Variants in PARD3B observed in about 807,000 individuals in gnomAD.
PARD3B encodes the protein partitioning defective 3 homolog B.
PARD3B carries 103 observed loss-of-function variants against 130.2 expected under a neutral mutation model. The observed-to-expected ratio is 0.79, with a 90% confidence interval of 0.67 to 0.93. The LOEUF is 0.93. Among genes scored for constraint, PARD3B ranks in the 40% least tolerant of loss-of-function variants. The pLI, the probability that PARD3B is intolerant of heterozygous loss-of-function variation, is 0.00. For missense variants in PARD3B, 1,609 were observed against 1,499.2 expected (o/e 1.07, Z -1.21); for synonymous variants, 583 against 553.2 (o/e 1.05, Z -0.76).
At chr2:205,016,873 G>A (rs1696187456) in intron 3 of PARD3B, among the ~76,000 whole-genome samples, 1 of 152,160 alleles carries the variant, frequency 6.6e-6, no homozygotes, top group East Asian at 1.9e-4. Flanking sequence ...AAACAGTCTA[G>A]ATGGGAAGAT....
At chr2:204,895,317 C>A (rs1208378730) in intron 2 of PARD3B, among the ~76,000 whole-genome samples, 1 of 151,996 alleles carries the variant, frequency 6.6e-6, no homozygotes, top group Admixed American at 6.6e-5. Flanking sequence ...TTTTATGCAA[C>A]TTTAAGAAAA....
chr2:205,364,452 T>G (rs1284398038), intron 18 of PARD3B, among the ~76,000 whole-genome samples: 1 of 152,222 alleles, frequency 6.6e-6, no homozygotes, highest in Non-Finnish European at 1.5e-5. Context: ...GTTTTGCATT[T>G]TGATGCAGCC....
intron 15 of PARD3B, 37 bp from the exon 16 acceptor site, chr2:205,245,741 C>T (rs762192278): frequency 1.6e-5 from 24 of 1,501,452 alleles, no homozygotes; most frequent in Middle Eastern, 1.7e-4. Flanking sequence ...ATTTACAAGC[C>T]GGTCTGATCC....
chr2:205,169,686 AT>A (rs1375830492), intron 11 of PARD3B, among the ~76,000 whole-genome samples: 1 of 152,120 alleles, frequency 6.6e-6, no homozygotes, highest in Non-Finnish European at 1.5e-5. Context: ...AAATCTCAAC[AT>A]TTCCTGTTAA....
intron 1 of PARD3B, among the ~76,000 whole-genome samples, chr2:204,595,282 G>T (rs766927224): frequency 6.6e-6 from 1 of 152,228 alleles, no homozygotes; most frequent in Non-Finnish European, 1.5e-5. Context: ...GACTCGGGCA[G>T]TGGAAACACT....
intron 2 of PARD3B, among the ~76,000 whole-genome samples, chr2:204,697,472 C>T (rs1048726840): frequency 1.3e-5 from 2 of 152,086 alleles, no homozygotes; most frequent in Non-Finnish European, 2.9e-5. Flanking sequence ...AACAGCTTCT[C>T]AATGAAGCAC....
chr2:205,417,461 G>C (rs2046820026), intron 19 of PARD3B, among the ~76,000 whole-genome samples: 1 of 152,058 alleles, frequency 6.6e-6, no homozygotes, highest in Non-Finnish European at 1.5e-5. Flanking sequence ...GGGATGGCTG[G>C]GTCAAATGGT....
At chr2:204,727,293 G>T (rs2039279515) in intron 2 of PARD3B, among the ~76,000 whole-genome samples, 1 of 152,068 alleles carries the variant, frequency 6.6e-6, no homozygotes, top group South Asian at 2.1e-4. Flanking sequence ...TAAGAGCCTA[G>T]ACTTTTTAAT....
chr2:204,636,596 C>G (rs1277589397), intron 1 of PARD3B, among the ~76,000 whole-genome samples: 1 of 152,056 alleles, frequency 6.6e-6, no homozygotes, highest in Admixed American at 6.6e-5. Context: ...TACTTCCTAA[C>G]TTTACTGGTG....
At chr2:205,080,267 A>G (rs559112328) in intron 4 of PARD3B, among the ~76,000 whole-genome samples, 315 of 152,188 alleles carry the variant, frequency 2.1e-3, no homozygotes, top group Non-Finnish European at 3.7e-3. Flanking sequence ...TTTACCTGCT[A>G]TTGTAAATGA....
At chr2:205,297,298 A>G (rs1361647631) in intron 16 of PARD3B, among the ~76,000 whole-genome samples, 1 of 152,166 alleles carries the variant, frequency 6.6e-6, no homozygotes, top group African/African-American at 2.4e-5. Context: ...ATTTTTGTAA[A>G]TGGTGAGGCT....
chr2:205,562,179 CAGATA>C lies in PARD3B; in HGVS notation c.3260+8778_3260+8782del, dbSNP rs1383324172. ...CTCATTTTTATGTCACTTAGTTCCT[CAGATA>C]AAAGTCCATTTTAATCAAACTTTTC... On this transcript the variant is annotated intron_variant, in intron 22 of 22. Coordinates refer to ENST00000406610, the MANE Select transcript of PARD3B (RefSeq NM_001302769.2). This position sits in a 1 kb window ranked among gnomAD's most constrained non-coding sequence, Gnocchi z 5.4. Among the ~76,000 whole-genome samples, 19 of 152,296 alleles carry C rather than the reference CAGATA, an allele frequency of 1.2e-4. No homozygotes were observed. Among genetic ancestry groups the C allele is most frequent in the African/African-American group, 4.1e-4 (17 of 41,580 alleles).
At chr2:204,980,183 A>G (rs1184729306) in intron 3 of PARD3B, among the ~76,000 whole-genome samples, 1 of 152,198 alleles carries the variant, frequency 6.6e-6, no homozygotes, top group Non-Finnish European at 1.5e-5. Flanking sequence ...GGCACTTCAT[A>G]AAATGGCCAG....
rs1019365270 is a variant in PARD3B at position 204,562,513 on chromosome 2, T to G, written c.120+16394T>G. ...ACTTGTGTATGGCTAGTGTGTGAGC[T>G]AAGAGTCATCCTGGCCCAGAAGTCG... On this transcript the variant is annotated intron_variant, in intron 1 of 22. Coordinates refer to ENST00000406610, the MANE Select transcript of PARD3B (RefSeq NM_001302769.2). Among the ~76,000 whole-genome samples the G allele has an allele frequency of 7.2e-5, 11 of 152,370 alleles. No homozygotes were observed. In the East Asian group the frequency reaches 2.1e-3, roughly 29 times the overall value.
At chr2:204,853,110 A>T (rs902842522) in intron 2 of PARD3B, among the ~76,000 whole-genome samples, 1 of 152,016 alleles carries the variant, frequency 6.6e-6, no homozygotes, top group African/African-American at 2.4e-5. Context: ...TTTCCTTATA[A>T]CTATTTTTTT....
chr2:205,384,696 C>A (rs1045200625), intron 18 of PARD3B, among the ~76,000 whole-genome samples: 2 of 152,208 alleles, frequency 1.3e-5, no homozygotes, highest in Non-Finnish European at 1.5e-5. Context: ...ACTTAACATA[C>A]ATGGATAGGT....
chr2:204,862,207 A>G (rs1167390664), intron 2 of PARD3B, among the ~76,000 whole-genome samples: 1 of 152,156 alleles, frequency 6.6e-6, no homozygotes, highest in Non-Finnish European at 1.5e-5. Flanking sequence ...CATTTTGGCA[A>G]TGAAGCTGGT....
intron 15 of PARD3B, among the ~76,000 whole-genome samples, chr2:205,228,037 A>C (rs2038651724): frequency 6.6e-6 from 1 of 152,140 alleles, no homozygotes; most frequent in Non-Finnish European, 1.5e-5. Context: ...GTTTCTGTTT[A>C]TATCTTATTG....
chr2:204,587,393 G>C (rs749598722), intron 1 of PARD3B, among the ~76,000 whole-genome samples: 29 of 152,120 alleles, frequency 1.9e-4, no homozygotes, highest in Non-Finnish European at 3.7e-4. Flanking sequence ...CTTTCAGCGG[G>C]ATTTTATTCA....
Sources: allele counts gnomAD v4.1 joint callset (sites outside exome capture counted in the v4.1 genomes callset), GRCh38; gene constraint gnomAD v4.1.1; non-coding constraint Gnocchi (gnomAD v3.1); transcripts MANE v1.5; gene names NCBI Gene and HGNC (gene_info 2026-07-23, HGNC 2026-07-21).